TMEM100: variants seen among roughly 807,000 people sequenced by gnomAD.
TMEM100 encodes transmembrane protein 100.
For synonymous variants in TMEM100, 61 were observed against 67.1 expected (o/e 0.91, Z 0.44); for missense variants, 137 against 168.2 (o/e 0.81, Z 1.02).
chr17:55,725,701 ATGTGTGTGTGTG>A (rs57564459), upstream of TMEM100, among the ~76,000 whole-genome samples: 94 of 139,676 alleles, frequency 6.7e-4, no homozygotes, highest in East Asian at 2.4e-3. Context: ...ACCCATATAT[ATGTGTGTGTGTG>A]TGTGTGTGTG....
At chr17:55,730,288 A>T (rs1209781745) in intron 1 of TMEM100, among the ~76,000 whole-genome samples, 1 of 152,234 alleles carries the variant, frequency 6.6e-6, no homozygotes, top group Non-Finnish European at 1.5e-5. Context: ...TTTAAAACTT[A>T]GATAATTATT....
chr17:55,725,697 ATATATGTGTGTGTGTGTG>A (rs1457121934), upstream of TMEM100, among the ~76,000 whole-genome samples: 5 of 116,758 alleles, frequency 4.3e-5, no homozygotes, highest in African/African-American at 1.8e-4. Context: ...TGTAACCCAT[ATATATGTGTGTGTGTGTG>A]TGTGTGTGTG....
exon 1 of TMEM100, chr17:55,731,934 T>C (rs540818330): frequency 1.3e-5 from 2 of 152,382 alleles, no homozygotes; most frequent in African/African-American, 4.8e-5. Flanking sequence ...CACCCTGCTG[T>C]GACTGACATG....
chr17:55,720,597 T>G lies in TMEM100; in HGVS notation c.*69A>C. ...AGTCTGTTCTCTCCCACCATGGTTC[T>G]GGGTGAATTGGGTGACAAAGTCAGA... On this transcript the variant is annotated 3_prime_UTR_variant, in exon 2 of 2. Transcript: ENST00000424486. 1 of 1,507,666 alleles carries G rather than the reference T, an allele frequency of 6.6e-7. No individual in the cohort carries two copies. Among genetic ancestry groups the G allele is most frequent in the Non-Finnish European group, 8.9e-7 (1 of 1,126,034 alleles). The allele number at this position is 1,507,666 out of a possible 1,614,324, so 93.4% of individuals were successfully genotyped here.
chr17:55,724,384 A>G (rs541172451), upstream of TMEM100, among the ~76,000 whole-genome samples: 18 of 152,322 alleles, frequency 1.2e-4, no homozygotes, highest in African/African-American at 4.1e-4. Flanking sequence ...AAGTACCTGG[A>G]GGCCTTGGTC....
At chr17:55,728,775 A>C (rs936757384) in intron 1 of TMEM100, among the ~76,000 whole-genome samples, 12 of 152,188 alleles carry the variant, frequency 7.9e-5, no homozygotes, top group African/African-American at 2.9e-4. Flanking sequence ...GGGAAGATGA[A>C]ATCAATTCAG....
intron 1 of TMEM100, among the ~76,000 whole-genome samples, chr17:55,722,268 C>A (rs1170551950): frequency 6.6e-6 from 1 of 152,190 alleles, no homozygotes; most frequent in Non-Finnish European, 1.5e-5. Context: ...AGTTACCGAA[C>A]AAGTTTAAAG....
At position 55,720,098 on chromosome 17, in the gene TMEM100, C is replaced by A. The variant is rs1392706999; in HGVS notation, c.*568G>T. ...CATCATTACAACTGGCTAACACTGT[C>A]CAATGTTAAAATATAAAAAATATTA... On this transcript the variant is annotated 3_prime_UTR_variant, in exon 2 of 2. Coordinates refer to ENST00000424486, the MANE Select transcript of TMEM100 (RefSeq NM_018286.3). 6.6e-6 allele frequency: 1 copy of A among 152,514 alleles called. No individual in the cohort carries two copies. The highest frequency in any genetic ancestry group is 1.5e-5 in the Non-Finnish European group (1 of 68,172). The allele number at this position is 152,514 out of a possible 1,614,324, so 9.4% of individuals were successfully genotyped here.
At chr17:55,731,524 T>G (rs1909204744) in intron 1 of TMEM100, 1 of 152,182 alleles carries the variant, frequency 6.6e-6, no homozygotes, top group African/African-American at 2.4e-5. Flanking sequence ...AAAAAAATCC[T>G]ATCTGGGCTC....
upstream of TMEM100, among the ~76,000 whole-genome samples, chr17:55,726,292 T>C (rs1029067960): frequency 6.6e-6 from 1 of 151,852 alleles, no homozygotes; most frequent in Non-Finnish European, 1.5e-5. Flanking sequence ...AGAAACAAAA[T>C]GAAAGACAAA....
upstream of TMEM100, among the ~76,000 whole-genome samples, chr17:55,727,539 G>A (rs146204898): frequency 1.4e-4 from 22 of 152,168 alleles, no homozygotes; most frequent in Admixed American, 3.3e-4. Flanking sequence ...TTTGGTGCTC[G>A]TTTACAGGAG....
rs780424303 is a variant in TMEM100, at chr17:55,720,739, T to C, written c.332A>G (p.Gln111Arg). ...ASSALCWKVR[Q>R]RSKKAKRRES... is the part of the protein sequence containing the mutation. ...CCGTCTCTTGGCTTTCTTGCTCCTT[T>C]GTCTCACTTTCCAGCACAAGGCACT... Residue 111 changes from glutamine (Q) to arginine (R), a missense_variant, in exon 2 of 2, where the codon CAA (glutamine) becomes CGA (arginine). By Grantham distance (43) the Gln-to-Arg change is conservative (BLOSUM62 1). Transcript: ENST00000424486. The C allele has an allele frequency of 1.2e-6, 2 of 1,614,040 alleles. No individual in the cohort carries two copies.
At chr17:55,725,339 C>T (rs1909035607), upstream of TMEM100, among the ~76,000 whole-genome samples, 1 of 152,184 alleles carries the variant, frequency 6.6e-6, no homozygotes, top group Non-Finnish European at 1.5e-5. Flanking sequence ...CTAGTTCTTT[C>T]TAAAGCACAT....
Position 55,720,563 on chromosome 17 carries a change from C to G in TMEM100, c.*103G>C. The G allele has an allele frequency of 1.6e-6, 2 of 1,220,768 alleles. No homozygotes were observed. Among genetic ancestry groups the G allele is most frequent in the Non-Finnish European group, 2.2e-6 (2 of 900,650 alleles). The allele number at this position is 1,220,768 out of a possible 1,614,324, so 75.6% of individuals were successfully genotyped here. A position where few individuals can be genotyped will look rare whatever the true frequency, so the allele number is the denominator to read the frequency against. ...CCCACCCCCATTCTTCCAGTCTGCT[C>G]CAACGCCAAGTCTGTTCTCTCCCAC... On this transcript the variant is annotated 3_prime_UTR_variant, in exon 2 of 2. Transcript: ENST00000424486.
upstream of TMEM100, among the ~76,000 whole-genome samples, chr17:55,723,990 T>C (rs1908993988): frequency 6.6e-6 from 1 of 152,192 alleles, no homozygotes; most frequent in South Asian, 2.1e-4. Context: ...GGAGAAAAGA[T>C]AATACTGGGA....
intron 1 of TMEM100, among the ~76,000 whole-genome samples, chr17:55,728,251 G>T (rs1909121206): frequency 6.6e-6 from 1 of 152,098 alleles, no homozygotes; most frequent in East Asian, 1.9e-4. Context: ...GTGTTGTGAG[G>T]AATTCATTTT....
chr17:55,729,474 C>T lies in TMEM100; in HGVS notation c.-358-1492G>A, dbSNP rs80047126. ...ATAATTTTGTTAGCGTAGCTATTCA[C>T]TTCTCCGGTGGAGAGGCAAATGCTA... On this transcript the variant is annotated intron_variant, in intron 1 of 3. Coordinates refer to the TMEM100 transcript ENST00000575734. Among the ~76,000 whole-genome samples, 22 of 152,322 alleles carry T rather than the reference C, an allele frequency of 1.4e-4. No homozygotes were observed. The East Asian group carries it at 3.9e-3, about 27-fold the overall frequency.
At chr17:55,725,694 C>CAT (rs149123083), upstream of TMEM100, among the ~76,000 whole-genome samples, 33 of 117,708 alleles carry the variant, frequency 2.8e-4, no homozygotes, top group African/African-American at 9.3e-4. Flanking sequence ...AAATGTAACC[C>CAT]ATATATATGT....
intron 1 of TMEM100, chr17:55,721,751 C>A (rs956891735): frequency 6.6e-6 from 1 of 151,968 alleles, no homozygotes; most frequent in African/African-American, 2.4e-5. Flanking sequence ...GTGGACAGTT[C>A]AGCAAAAAAT....
Sources: gnomAD v4.1 joint callset for allele counts (sites outside exome capture counted in the v4.1 genomes callset) on GRCh38, gnomAD v4.1.1 for gene constraint, MANE v1.5 for transcripts, NCBI Gene and HGNC (gene_info 2026-07-23, HGNC 2026-07-21) for gene names.